Variants in LUZP2 observed in about 807,000 individuals in gnomAD.
LUZP2 encodes the protein leucine zipper protein 2.
A neutral mutation model predicts 51.6 loss-of-function variants in LUZP2; 52 were observed. The ratio of observed to expected loss-of-function variants is 1.01; its 90% CI spans 0.81 to 1.27. LUZP2 has a LOEUF of 1.27. Ranked by LOEUF, LUZP2 falls within the 50% of genes most tolerant of loss-of-function variation. LUZP2 has a pLI of 0.00. For missense variants in LUZP2, 436 were observed against 395.4 expected (o/e 1.10, Z -0.87); for synonymous variants, 154 against 137.3 (o/e 1.12, Z -0.85).
chr11:24,918,881 A>G (rs112762822), intron 7 of LUZP2, among the ~76,000 whole-genome samples: 102 of 142,174 alleles, frequency 7.2e-4, no homozygotes, highest in African/African-American at 1.8e-3. Context: ...TCCATAATAT[A>G]TATTATATAT....
intron 4 of LUZP2, among the ~76,000 whole-genome samples, chr11:24,762,238 A>T (rs1329916661): frequency 2.0e-5 from 3 of 152,164 alleles, no homozygotes; most frequent in Non-Finnish European, 4.4e-5. Flanking sequence ...CTGGATCGTG[A>T]GTCTCTTTTA....
At chr11:24,514,117 G>T (rs1356388989) in intron 1 of LUZP2, among the ~76,000 whole-genome samples, 2 of 152,178 alleles carry the variant, frequency 1.3e-5, no homozygotes, top group South Asian at 2.1e-4. Context: ...GAAGCATGTG[G>T]CATATCCCTG....
chr11:24,557,872 G>A (rs1464136112), intron 1 of LUZP2, among the ~76,000 whole-genome samples: 1 of 152,040 alleles, frequency 6.6e-6, no homozygotes, highest in African/African-American at 2.4e-5. Flanking sequence ...TTCAGTATGT[G>A]CTGAGCCCGT....
intron 1 of LUZP2, among the ~76,000 whole-genome samples, chr11:24,574,301 CT>C (rs1312383175): frequency 1.7e-5 from 1 of 58,520 alleles, no homozygotes; most frequent in African/African-American, 6.2e-5. Context: ...TTCTTTCTTT[CT>C]TTTTCTTTTC....
chr11:24,819,330 G>C (rs1850287271), intron 5 of LUZP2, among the ~76,000 whole-genome samples: 1 of 151,994 alleles, frequency 6.6e-6, no homozygotes, highest in Non-Finnish European at 1.5e-5. Flanking sequence ...TTGATGGGAA[G>C]ATTTTGAGGA....
At chr11:24,795,490 T>C (rs1048402514) in intron 5 of LUZP2, among the ~76,000 whole-genome samples, 1 of 152,174 alleles carries the variant, frequency 6.6e-6, no homozygotes, top group Non-Finnish European at 1.5e-5. Flanking sequence ...TCAAGAGTTT[T>C]ATTACATACA....
chr11:25,046,014 G>T (rs1011175539), intron 9 of LUZP2, among the ~76,000 whole-genome samples: 1 of 152,070 alleles, frequency 6.6e-6, no homozygotes, highest in Non-Finnish European at 1.5e-5. Flanking sequence ...CACAAAAATG[G>T]TTTTATTGTA....
At chr11:24,958,598 T>A (rs554298017) in intron 7 of LUZP2, among the ~76,000 whole-genome samples, 244 of 151,968 alleles carry the variant, frequency 1.6e-3, no homozygotes, top group African/African-American at 4.8e-3. Flanking sequence ...TTTGATGGGG[T>A]TGTTTGTTTT....
In LUZP2 at chr11:24,566,623, T is replaced by C. The variant is rs200732828; in HGVS notation, c.62+69318T>C. On this transcript the variant is annotated intron_variant, in intron 1 of 11. Coordinates refer to ENST00000336930, the MANE Select transcript of LUZP2 (RefSeq NM_001009909.4). ...ATATATATGTATGTATGTATAGATATACACACACACACACACACACACAAA... is the reference window on the plus strand; with the variant it reads ...ATATATATGTATGTATGTATAGATACACACACACACACACACACACACAAA... 4.3e-3 allele frequency among the ~76,000 whole-genome samples: 630 copies of C among 145,278 alleles called. 26 individuals are homozygous for C. The East Asian group carries it at 0.093, about 21-fold the overall frequency.
chr11:24,774,358 C>A lies in LUZP2; in HGVS notation c.396+11050C>A, dbSNP rs1192367961. Among the ~76,000 whole-genome samples, 148 of 80,512 alleles carry A rather than the reference C, an allele frequency of 1.8e-3. 1 individual carries two copies. Among genetic ancestry groups the A allele is most frequent in the African/African-American group, 7.4e-3 (139 of 18,848 alleles). The allele number at this position is 80,512 out of a possible 152,430, so 52.8% of individuals were successfully genotyped here. On this transcript the variant is annotated intron_variant, in intron 5 of 11. Transcript: ENST00000336930. ...TCTCTCTCTCTCTCTCTCTCTCTCT[C>A]TCTCTATATATATATATATATATAC...
rs79768630 is a variant in LUZP2, at chr11:24,523,447, A to G, written c.62+26142A>G. ...TAGTGAGTTTTAATTATGTTTAGTG[A>G]ATAAACTAATCCATGCTAATTCACT... On this transcript the variant is annotated intron_variant, in intron 1 of 11. Coordinates refer to ENST00000336930, the MANE Select transcript of LUZP2 (RefSeq NM_001009909.4). 4.3e-3 allele frequency among the ~76,000 whole-genome samples: 653 copies of G among 151,642 alleles called. 7 individuals are homozygous for G. The highest frequency in any genetic ancestry group is 0.015 in the African/African-American group (611 of 41,474).
At chr11:24,877,630 A>T (rs1337511988) in intron 5 of LUZP2, among the ~76,000 whole-genome samples, 1 of 152,126 alleles carries the variant, frequency 6.6e-6, no homozygotes, top group Non-Finnish European at 1.5e-5. Flanking sequence ...AAAATGTACA[A>T]TTAATTTATT....
intron 1 of LUZP2, among the ~76,000 whole-genome samples, chr11:24,528,546 G>T (rs540468365): frequency 1.3e-5 from 2 of 151,076 alleles, no homozygotes; most frequent in East Asian, 3.9e-4. Flanking sequence ...TAGGGTACAC[G>T]TGCACAACGT....
At chr11:24,522,761 C>T (rs575879743) in intron 1 of LUZP2, among the ~76,000 whole-genome samples, 6 of 151,892 alleles carry the variant, frequency 4.0e-5, no homozygotes, top group Admixed American at 6.6e-5. Context: ...ATTTTAAATC[C>T]GATTTGGGGT....
chr11:25,030,677 A>G (rs929507863), intron 9 of LUZP2, among the ~76,000 whole-genome samples: 1 of 151,140 alleles, frequency 6.6e-6, no homozygotes, highest in African/African-American at 2.4e-5. Flanking sequence ...CATAAGAGAT[A>G]AAACCATCAT....
intron 5 of LUZP2, chr11:24,786,022 C>T (rs1404074125): frequency 1.0e-6 from 1 of 985,160 alleles, no homozygotes; most frequent in African/African-American, 1.7e-5. Context: ...AGAGTTGGGG[C>T]ACCGAGTACA....
rs185592516 is a variant in LUZP2, at chr11:25,026,301, T to A, written c.766-23737T>A. ...GACCTTAAAGTATAATAAAAACATG[T>A]AAAAATAAAATAAAATAAGATGAAA... On this transcript the variant is annotated intron_variant, in intron 9 of 11. Transcript: ENST00000336930. 1.4e-3 allele frequency among the ~76,000 whole-genome samples: 208 copies of A among 152,062 alleles called. 3 individuals carry two copies. The East Asian group carries it at 0.031, about 23-fold the overall frequency.
intron 5 of LUZP2, among the ~76,000 whole-genome samples, chr11:24,837,948 T>C (rs1476134046): frequency 6.6e-6 from 1 of 151,710 alleles, no homozygotes; most frequent in African/African-American, 2.4e-5. Context: ...AATGGTTGCA[T>C]GATTATTCTC....
intron 7 of LUZP2, among the ~76,000 whole-genome samples, chr11:24,930,685 C>T (rs1660716186): frequency 6.6e-6 from 1 of 152,122 alleles, no homozygotes; most frequent in African/African-American, 2.4e-5. Context: ...TTTAGATAAC[C>T]TGATGACTAT....
Sources: gnomAD v4.1 joint callset for allele counts (sites outside exome capture counted in the v4.1 genomes callset) on GRCh38, gnomAD v4.1.1 for gene constraint, MANE v1.5 for transcripts, NCBI Gene and HGNC (gene_info 2026-07-23, HGNC 2026-07-21) for gene names.